Variants in NOL4 observed in about 807,000 individuals in gnomAD.
The protein encoded by NOL4 is nucleolar protein 4.
NOL4 carries 17 observed loss-of-function variants against 75.9 expected under a neutral mutation model. The ratio of observed to expected loss-of-function variants is 0.22; its 90% CI spans 0.15 to 0.34. The LOEUF (loss-of-function observed/expected upper bound fraction) is 0.34. Ranked by LOEUF, NOL4 falls within the 10% of genes least tolerant of loss-of-function variation. NOL4 has a pLI of 1.00. For missense variants in NOL4, 614 were observed against 793.5 expected, an observed-to-expected ratio of 0.77 and a Z score of 2.72; for synonymous variants, 292 against 289.9, an observed-to-expected ratio of 1.01 and a Z score of -0.07.
At chr18:33,986,335 T>C (rs1315029092) in intron 6 of NOL4, among the ~76,000 whole-genome samples, 1 of 152,100 alleles carries the variant, frequency 6.6e-6, no homozygotes, top group African/African-American at 2.4e-5. Flanking sequence ...AATGTAAAGG[T>C]GTCAATTTAC....
At chr18:34,034,998 A>C (rs2075822287) in intron 5 of NOL4, among the ~76,000 whole-genome samples, 1 of 152,108 alleles carries the variant, frequency 6.6e-6, no homozygotes, top group Non-Finnish European at 1.5e-5. Context: ...ATGGCAATAG[A>C]CTCTAAAACA....
chr18:34,090,715 G>A (rs1347791143), intron 5 of NOL4, among the ~76,000 whole-genome samples: 2 of 152,062 alleles, frequency 1.3e-5, no homozygotes, highest in Non-Finnish European at 2.9e-5. Context: ...GAGGACTAAG[G>A]GTTGACCAAT....
At chr18:34,023,514 A>AGGTT in intron 5 of NOL4, 1 of 456,054 alleles carries the variant, frequency 2.2e-6, no homozygotes, top group East Asian at 7.0e-5. Flanking sequence ...TATGGCCTTC[A>AGGTT]GGTTCACTGG....
At chr18:33,968,563 A>G (rs926558129) in intron 6 of NOL4, among the ~76,000 whole-genome samples, 3 of 152,242 alleles carry the variant, frequency 2.0e-5, no homozygotes, top group African/African-American at 7.2e-5. Context: ...ATAAGGGAAT[A>G]TAAACATTGG....
chr18:34,027,160 A>G (rs920186576), intron 5 of NOL4, among the ~76,000 whole-genome samples: 4 of 152,216 alleles, frequency 2.6e-5, no homozygotes, highest in African/African-American at 9.6e-5. Flanking sequence ...GAATATAAAG[A>G]AAGTAAACTC....
intron 1 of NOL4, among the ~76,000 whole-genome samples, chr18:34,147,786 G>A (rs2081468600): frequency 1.3e-5 from 2 of 152,070 alleles, no homozygotes; most frequent in African/African-American, 2.4e-5. Context: ...GTTTCAGAAG[G>A]AATGGTACCA....
intron 9 of NOL4, among the ~76,000 whole-genome samples, chr18:33,899,099 C>T (rs1206505153): frequency 6.6e-6 from 1 of 152,130 alleles, no homozygotes; most frequent in Non-Finnish European, 1.5e-5. Context: ...ATACTCCCTT[C>T]CTAAAACTAA....
intron 1 of NOL4, among the ~76,000 whole-genome samples, chr18:34,176,865 G>A (rs1028010561): frequency 6.6e-6 from 1 of 152,012 alleles, no homozygotes; most frequent in Non-Finnish European, 1.5e-5. Context: ...AAAATGCTAA[G>A]CTACCTATAT....
chr18:34,049,824 G>A (rs925501887), intron 5 of NOL4, among the ~76,000 whole-genome samples: 21 of 152,034 alleles, frequency 1.4e-4, no homozygotes, highest in Admixed American at 5.9e-4. Flanking sequence ...TATGGATGTC[G>A]CTGTCACTCA....
At chr18:33,934,159 T>A (rs1336372982) in intron 9 of NOL4, among the ~76,000 whole-genome samples, 3 of 151,124 alleles carry the variant, frequency 2.0e-5, no homozygotes, top group Non-Finnish European at 4.4e-5. Context: ...CTTTTTTTTT[T>A]ATTTCCTGAG....
At chr18:34,018,595 C>T (rs1353875494) in intron 6 of NOL4, among the ~76,000 whole-genome samples, 1 of 151,962 alleles carries the variant, frequency 6.6e-6, no homozygotes, top group African/African-American at 2.4e-5. Flanking sequence ...CCAAAGTACA[C>T]CTTCAAAAAT....
At chr18:34,213,439 G>A (rs1246311004) in intron 1 of NOL4, among the ~76,000 whole-genome samples, 5 of 152,036 alleles carry the variant, frequency 3.3e-5, no homozygotes, top group African/African-American at 1.2e-4. Flanking sequence ...ACAGGCACAC[G>A]CCGCCACCCC....
In NOL4 at chr18:33,883,302, G is replaced by A. The variant is rs1015692357; in HGVS notation, c.1665C>T (p.Tyr555=). The A allele has an allele frequency of 6.2e-7, 1 of 1,612,762 alleles. No homozygotes were observed. The highest frequency in any genetic ancestry group is 1.3e-5 in the African/African-American group (1 of 74,944). Residue 555 remains tyrosine, a synonymous_variant, in exon 10 of 11, where the codon TAC becomes TAT. Transcript: ENST00000261592. ...CCCCTCCTAGCCCTCTGTAACTATG[G>A]TAACTATAGGTCCCATTTCCATTGA... ...LYINGNGTYS[Y]HSYRGLGGGL...
intron 1 of NOL4, among the ~76,000 whole-genome samples, chr18:34,187,938 A>T (rs573244193): frequency 6.6e-6 from 1 of 152,220 alleles, no homozygotes; most frequent in African/African-American, 2.4e-5. Flanking sequence ...CGTTTCCACC[A>T]CCATGAATGA....
intron 9 of NOL4, among the ~76,000 whole-genome samples, chr18:33,916,932 A>G (rs1174059831): frequency 6.6e-6 from 1 of 152,198 alleles, no homozygotes; most frequent in Non-Finnish European, 1.5e-5. Flanking sequence ...AATCAAAGTG[A>G]AAAACAATGG....
At chr18:33,967,499 C>T (rs866775719) in intron 6 of NOL4, among the ~76,000 whole-genome samples, 17 of 152,066 alleles carry the variant, frequency 1.1e-4, no homozygotes, top group South Asian at 2.1e-4. Context: ...AGCTTCTGCA[C>T]GGCAAAACAA....
chr18:33,943,006 A>T, intron 9 of NOL4, 59 bp downstream of exon 9: 1 of 1,147,370 alleles, frequency 8.7e-7, no homozygotes, highest in Non-Finnish European at 1.3e-6. Context: ...CATAAATCAA[A>T]TTAAATGAAC....
intron 5 of NOL4, among the ~76,000 whole-genome samples, chr18:34,055,724 C>T (rs1479242877): frequency 6.6e-6 from 1 of 152,040 alleles, no homozygotes; most frequent in Admixed American, 6.6e-5. Context: ...CTCTTTACTC[C>T]TTGAATTTCC....
chr18:33,973,849 A>C (rs147493935), intron 6 of NOL4, among the ~76,000 whole-genome samples: 247 of 152,306 alleles, frequency 1.6e-3, no homozygotes, highest in African/African-American at 5.6e-3. Context: ...TTCCATTTAT[A>C]GAGCACAGGC....
Sources: allele counts gnomAD v4.1 joint callset (sites outside exome capture counted in the v4.1 genomes callset), GRCh38; gene constraint gnomAD v4.1.1; transcripts MANE v1.5; gene names NCBI Gene and HGNC (gene_info 2026-07-23, HGNC 2026-07-21).